Variants in B3GALT1 observed in about 807,000 individuals in gnomAD.
The protein encoded by B3GALT1 is UDP-Gal:betaGlcNAc beta 1,3-galactosyltransferase, polypeptide 1.
Under a neutral mutation model 23.2 loss-of-function variants are expected in B3GALT1, and 10 were observed. The ratio of observed to expected loss-of-function variants is 0.43; its 90% CI spans 0.27 to 0.73. The LOEUF (loss-of-function observed/expected upper bound fraction) is 0.73. B3GALT1 is among the 30% of genes least tolerant of loss of function. B3GALT1 has a pLI of 0.21. For missense variants in B3GALT1, 299 were observed against 405.4 expected (o/e 0.74, Z 2.25); for synonymous variants, 156 against 141.5 (o/e 1.10, Z -0.73).
chr2:167,584,349 A>G (rs1292306906), intron 2 of B3GALT1, among the ~76,000 whole-genome samples: 1 of 152,168 alleles, frequency 6.6e-6, no homozygotes, highest in African/African-American at 2.4e-5. Flanking sequence ...TAATTTTTCT[A>G]TGGGGAAAAA....
intron 1 of B3GALT1, among the ~76,000 whole-genome samples, chr2:167,347,155 T>C (rs1408558079): frequency 6.6e-6 from 1 of 152,156 alleles, no homozygotes; most frequent in African/African-American, 2.4e-5. Flanking sequence ...CTAATAAAAG[T>C]ATTCTGGGCA....
Position 167,506,138 on chromosome 2 carries a change from A to G in B3GALT1, c.-410+15861A>G, listed in dbSNP as rs1173921063. Among the ~76,000 whole-genome samples the G allele has an allele frequency of 2.0e-5, 3 of 152,234 alleles. 1 individual carries two copies. The highest frequency in any genetic ancestry group is 4.2e-4 in the South Asian group (2 of 4,816). On this transcript the variant is annotated intron_variant, in intron 2 of 4. Coordinates refer to ENST00000392690, the MANE Select transcript of B3GALT1 (RefSeq NM_020981.4). ...TCTATGATGTCTTTCCTTATACCCC[A>G]AAGCAAATGTAGATTCTCCCTCCTC...
At chr2:167,703,372 C>T (rs1371715089) in intron 3 of B3GALT1, among the ~76,000 whole-genome samples, 1 of 152,158 alleles carries the variant, frequency 6.6e-6, no homozygotes. Flanking sequence ...CACCGACTTC[C>T]ATGAATGGTT....
At chr2:167,736,718 A>G (rs879681382) in intron 3 of B3GALT1, among the ~76,000 whole-genome samples, 1 of 152,170 alleles carries the variant, frequency 6.6e-6, no homozygotes, top group Non-Finnish European at 1.5e-5. Context: ...CCTGGCCAAC[A>G]TGGCGAAACC....
intron 2 of B3GALT1, among the ~76,000 whole-genome samples, chr2:167,529,577 G>T (rs570956064): frequency 2.0e-5 from 3 of 149,740 alleles, no homozygotes; most frequent in African/African-American, 7.4e-5. Context: ...CTTTGTTTCC[G>T]ATCTCACTCT....
At chr2:167,773,927 T>G (rs1286424960) in intron 3 of B3GALT1, among the ~76,000 whole-genome samples, 1 of 152,214 alleles carries the variant, frequency 6.6e-6, no homozygotes, top group Non-Finnish European at 1.5e-5. Flanking sequence ...TGGATGTGTT[T>G]TCAGTGAGCT....
At chr2:167,781,719 G>A (rs926570009) in intron 3 of B3GALT1, among the ~76,000 whole-genome samples, 1 of 151,956 alleles carries the variant, frequency 6.6e-6, no homozygotes, top group Non-Finnish European at 1.5e-5. Flanking sequence ...GAGGTGGGGG[G>A]TGTTGGCTGC....
rs147299720 is a variant in B3GALT1, at chr2:167,484,742, T to C, written c.-510-5435T>C. On this transcript the variant is annotated intron_variant, in intron 1 of 4. Coordinates refer to ENST00000392690, the MANE Select transcript of B3GALT1 (RefSeq NM_020981.4). ...GTTTCCTATTCAGATCTTTAAAAGG[T>C]GCTTAACTCTCAGCTAATCTCTTCA... 2.6e-5 allele frequency among the ~76,000 whole-genome samples: 4 copies of C among 152,242 alleles called. No individual in the cohort carries two copies. In the East Asian group the frequency reaches 7.7e-4, roughly 29 times the overall value.
At chr2:167,481,433 C>CTT (rs758904468) in intron 1 of B3GALT1, among the ~76,000 whole-genome samples, 191 of 148,288 alleles carry the variant, frequency 1.3e-3, no homozygotes, top group Non-Finnish European at 2.4e-3. Flanking sequence ...TGTAGTCTAA[C>CTT]TTAAATAATG....
At chr2:167,596,076 C>T (rs186850012) in intron 2 of B3GALT1, among the ~76,000 whole-genome samples, 37 of 152,308 alleles carry the variant, frequency 2.4e-4, no homozygotes, top group African/African-American at 8.2e-4. Flanking sequence ...AGATTGGTCT[C>T]CCGAGGAGAG....
intron 1 of B3GALT1, among the ~76,000 whole-genome samples, chr2:167,322,554 AACG>A (rs1696830062): frequency 6.6e-6 from 1 of 152,020 alleles, no homozygotes; most frequent in African/African-American, 2.4e-5. Flanking sequence ...AGTTTATTTG[AACG>A]ACATTTAGTA....
intron 4 of B3GALT1, among the ~76,000 whole-genome samples, chr2:167,861,899 T>C (rs1288443930): frequency 6.6e-6 from 1 of 152,178 alleles, no homozygotes; most frequent in Admixed American, 6.5e-5. Flanking sequence ...CAGTGCATCC[T>C]TCATGAACAA....
intron 3 of B3GALT1, among the ~76,000 whole-genome samples, chr2:167,726,512 C>T (rs1220321388): frequency 6.6e-6 from 1 of 152,140 alleles, no homozygotes; most frequent in Admixed American, 6.5e-5. Context: ...AGTATTCCTC[C>T]ATTTTAGACT....
intron 1 of B3GALT1, among the ~76,000 whole-genome samples, chr2:167,335,473 C>T (rs1453294362): frequency 2.0e-5 from 3 of 152,138 alleles, no homozygotes; most frequent in African/African-American, 4.8e-5. Context: ...AGAGCAGCAG[C>T]ATGGTCCACT....
At chr2:167,625,401 G>A (rs1286550968) in intron 2 of B3GALT1, among the ~76,000 whole-genome samples, 4 of 151,884 alleles carry the variant, frequency 2.6e-5, no homozygotes, top group South Asian at 2.1e-4. Context: ...TAAATATTAT[G>A]TAATGGGCTA....
At chr2:167,604,936 C>T (rs540223761) in intron 2 of B3GALT1, among the ~76,000 whole-genome samples, 1 of 152,214 alleles carries the variant, frequency 6.6e-6, no homozygotes, top group African/African-American at 2.4e-5. Flanking sequence ...AATATATTCT[C>T]TGTCCTGCTT....
At chr2:167,748,328 C>T (rs532204315) in intron 3 of B3GALT1, among the ~76,000 whole-genome samples, 10 of 152,076 alleles carry the variant, frequency 6.6e-5, no homozygotes, top group East Asian at 5.8e-4. Flanking sequence ...CCGAGATGAG[C>T]GATAACTTGC....
chr2:167,528,990 G>A (rs760067554), intron 2 of B3GALT1, among the ~76,000 whole-genome samples: 7 of 151,876 alleles, frequency 4.6e-5, no homozygotes, highest in South Asian at 2.1e-4. Flanking sequence ...TATTGATCCC[G>A]TTTCAATAGT....
At chr2:167,840,727 G>T (rs1479919696) in intron 4 of B3GALT1, among the ~76,000 whole-genome samples, 1 of 151,328 alleles carries the variant, frequency 6.6e-6, no homozygotes, top group Non-Finnish European at 1.5e-5. Context: ...ACATGCACAT[G>T]TATGTTTATT....
Sources: allele counts gnomAD v4.1 joint callset (sites outside exome capture counted in the v4.1 genomes callset), GRCh38; gene constraint gnomAD v4.1.1; transcripts MANE v1.5; gene names NCBI Gene and HGNC (gene_info 2026-07-23, HGNC 2026-07-21).